CAMK1D: variants seen among roughly 807,000 people sequenced by gnomAD.
The protein encoded by CAMK1D is calcium/calmodulin-dependent protein kinase type 1D.
A neutral mutation model predicts 47.7 loss-of-function variants in CAMK1D; 9 were observed. That is an observed-to-expected ratio of 0.19 (90% CI 0.11 to 0.33). The LOEUF (loss-of-function observed/expected upper bound fraction) is 0.33, where lower values mean the gene tolerates loss of function less well. Ranked by LOEUF, CAMK1D falls within the 10% of genes least tolerant of loss-of-function variation. The pLI is 1.00. For missense variants in CAMK1D, 291 were observed against 488.7 expected, an observed-to-expected ratio of 0.60 and a Z score of 3.81; for synonymous variants, 184 against 184.9, an observed-to-expected ratio of 0.99 and a Z score of 0.04.
chr10:12,614,937 G>A (rs559206326), intron 2 of CAMK1D, among the ~76,000 whole-genome samples: 2 of 152,326 alleles, frequency 1.3e-5, no homozygotes, highest in South Asian at 4.1e-4. Flanking sequence ...TTATAACCCA[G>A]TGTGGCCCAG....
At chr10:12,705,876 A>T (rs1833711948) in intron 3 of CAMK1D, among the ~76,000 whole-genome samples, 1 of 152,258 alleles carries the variant, frequency 6.6e-6, no homozygotes, top group Admixed American at 6.5e-5. Flanking sequence ...AGTGATGCTC[A>T]CTGTTAACCA....
chr10:12,565,794 T>TA (rs943835279), intron 2 of CAMK1D, among the ~76,000 whole-genome samples: 3 of 152,102 alleles, frequency 2.0e-5, no homozygotes, highest in Non-Finnish European at 4.4e-5. Context: ...GAGAGGAAGT[T>TA]ACCCAGGTCT....
chr10:12,824,787 T>A (rs1833137686), intron 9 of CAMK1D, among the ~76,000 whole-genome samples: 2 of 152,230 alleles, frequency 1.3e-5, no homozygotes, highest in African/African-American at 4.8e-5. Flanking sequence ...TCATCTGCTG[T>A]TTCTTAACCA....
chr10:12,634,296 G>C (rs1839456153), intron 2 of CAMK1D, among the ~76,000 whole-genome samples: 1 of 152,142 alleles, frequency 6.6e-6, no homozygotes, highest in African/African-American at 2.4e-5. Flanking sequence ...TCATTGGGGA[G>C]AGAAGAAAAT....
chr10:12,691,684 C>G (rs1832935009), intron 3 of CAMK1D, among the ~76,000 whole-genome samples: 1 of 151,674 alleles, frequency 6.6e-6, no homozygotes, highest in African/African-American at 2.4e-5. Flanking sequence ...AACTCCTGAC[C>G]TTGTCATCCG....
At position 12,796,620 on chromosome 10, in the gene CAMK1D, C is replaced by T. The variant is rs180796127; in HGVS notation, c.641+5387C>T. Among the ~76,000 whole-genome samples the T allele has an allele frequency of 2.7e-3, 405 of 152,194 alleles. 1 individual carries two copies. Among genetic ancestry groups the T allele is most frequent in the African/African-American group, 9.1e-3 (377 of 41,522 alleles). ...CCCAGAGAGAATGCAGCGTGGTCAC[C>T]GAGCCCCAAGCCCCGGGGGGTCGTG... On this transcript the variant is annotated intron_variant, in intron 6 of 10. Transcript: ENST00000619168.
intron 2 of CAMK1D, among the ~76,000 whole-genome samples, chr10:12,603,528 TTC>T: frequency 6.6e-6 from 1 of 152,218 alleles, no homozygotes; most frequent in Non-Finnish European, 1.5e-5. Context: ...TTACCTGGCC[TTC>T]TCACCTGCCT....
intron 1 of CAMK1D, among the ~76,000 whole-genome samples, chr10:12,506,277 G>C (rs979990708): frequency 1.3e-5 from 2 of 152,044 alleles, no homozygotes; most frequent in Non-Finnish European, 2.9e-5. Context: ...AAAACTAGCC[G>C]AGTGGGGTGC....
At chr10:12,497,579 T>C (rs543721000) in intron 1 of CAMK1D, among the ~76,000 whole-genome samples, 2 of 152,212 alleles carry the variant, frequency 1.3e-5, no homozygotes, top group South Asian at 4.1e-4. Context: ...TAGCAATACC[T>C]GACATAAACT....
intron 2 of CAMK1D, among the ~76,000 whole-genome samples, chr10:12,591,182 G>C (rs1187931097): frequency 6.6e-6 from 1 of 152,154 alleles, no homozygotes; most frequent in Non-Finnish European, 1.5e-5. Context: ...TATTCTAGTG[G>C]GCAATGGCCA....
At chr10:12,653,426 T>TA (rs1310311533) in intron 2 of CAMK1D, among the ~76,000 whole-genome samples, 2 of 152,314 alleles carry the variant, frequency 1.3e-5, no homozygotes, top group East Asian at 3.9e-4. Context: ...AAAACACACA[T>TA]ACAATGAACC....
intron 3 of CAMK1D, among the ~76,000 whole-genome samples, chr10:12,724,576 A>G (rs1306648962): frequency 6.6e-6 from 1 of 152,264 alleles, no homozygotes; most frequent in Non-Finnish European, 1.5e-5. Context: ...TCCACTTTAA[A>G]GAAAGCAAGT....
At chr10:12,454,355 G>C (rs553052248) in intron 1 of CAMK1D, among the ~76,000 whole-genome samples, 97 of 151,964 alleles carry the variant, frequency 6.4e-4, no homozygotes, top group Admixed American at 1.8e-3. Context: ...GTAGAGACGG[G>C]GCTTTACCGT....
At chr10:12,571,889 C>A (rs1360316591) in intron 2 of CAMK1D, among the ~76,000 whole-genome samples, 2 of 143,968 alleles carry the variant, frequency 1.4e-5, no homozygotes, top group Admixed American at 1.4e-4. Flanking sequence ...CAGGTATTCC[C>A]TTCCCTCTAA....
At chr10:12,664,794 G>A (rs1840378045) in intron 2 of CAMK1D, among the ~76,000 whole-genome samples, 1 of 152,200 alleles carries the variant, frequency 6.6e-6, no homozygotes, top group Admixed American at 6.5e-5. Context: ...GTAACTGTGT[G>A]CCATGCATTT....
chr10:12,823,826 C>T (rs188464988), intron 8 of CAMK1D, among the ~76,000 whole-genome samples: 27 of 151,968 alleles, frequency 1.8e-4, no homozygotes, highest in Admixed American at 1.8e-3. Flanking sequence ...GCTGGGAATC[C>T]TGTCACCCAG....
At chr10:12,691,533 A>G (rs1832929569) in intron 3 of CAMK1D, among the ~76,000 whole-genome samples, 1 of 148,042 alleles carries the variant, frequency 6.8e-6, no homozygotes, top group Non-Finnish European at 1.5e-5. Flanking sequence ...CCGGGATTCA[A>G]GGAATTCTCC....
intron 2 of CAMK1D, among the ~76,000 whole-genome samples, chr10:12,556,599 G>T (rs1348958860): frequency 6.6e-6 from 1 of 152,164 alleles, no homozygotes; most frequent in African/African-American, 2.4e-5. Flanking sequence ...TCAGGAGATA[G>T]GAGACAGAAA....
intron 1 of CAMK1D, among the ~76,000 whole-genome samples, chr10:12,499,071 T>A (rs1433749040): frequency 5.1e-5 from 2 of 39,208 alleles, no homozygotes; most frequent in Non-Finnish European, 1.6e-4. Context: ...AATTACAGCT[T>A]TTTTTTTTTT....
Sources: gnomAD v4.1 joint callset for allele counts (sites outside exome capture counted in the v4.1 genomes callset) on GRCh38, gnomAD v4.1.1 for gene constraint, MANE v1.5 for transcripts, NCBI Gene and HGNC (gene_info 2026-07-23, HGNC 2026-07-21) for gene names.